The following ACO1 variants were observed in gnomAD, a reference collection of about 807,000 sequenced individuals.
The protein encoded by ACO1 is aconitase 1, also known as cytoplasmic aconitate hydratase.
In ACO1, 78 loss-of-function variants were observed where a neutral mutation model predicts 105.1. That is an observed-to-expected ratio of 0.74 (90% CI 0.62 to 0.90). The LOEUF (loss-of-function observed/expected upper bound fraction) is 0.90, where lower values mean the gene tolerates loss of function less well. ACO1 is among the 40% of genes least tolerant of loss of function. The pLI is 0.00. For missense variants in ACO1, 965 were observed against 1,111.1 expected (o/e 0.87, Z 1.87); for synonymous variants, 364 against 397.4 (o/e 0.92, Z 1.00).
intron 12 of ACO1, among the ~76,000 whole-genome samples, chr9:32,428,757 T>C (rs1000399707): frequency 6.6e-6 from 1 of 151,882 alleles, no homozygotes; most frequent in Non-Finnish European, 1.5e-5. Context: ...GGCAGGAGAA[T>C]GGCATGAACC....
At chr9:32,409,446 C>T (rs1256361971) in intron 4 of ACO1, among the ~76,000 whole-genome samples, 1 of 152,232 alleles carries the variant, frequency 6.6e-6, no homozygotes, top group African/African-American at 2.4e-5. Context: ...TGGTCTATGA[C>T]ACCTTTAGGT....
At chr9:32,395,916 A>C (rs1394862526) in intron 1 of ACO1, among the ~76,000 whole-genome samples, 1 of 152,210 alleles carries the variant, frequency 6.6e-6, no homozygotes, top group Non-Finnish European at 1.5e-5. Context: ...TTTCTCTTTG[A>C]GACTTGCATG....
intron 4 of ACO1, among the ~76,000 whole-genome samples, chr9:32,412,132 C>T (rs1208967892): frequency 6.6e-6 from 1 of 152,004 alleles, no homozygotes; most frequent in African/African-American, 2.4e-5. Context: ...TCTAAATGTC[C>T]AACAAAAAAT....
rs530890933 is a variant in ACO1, at chr9:32,405,048, G to A, written c.-22-437G>A. 5.9e-5 allele frequency among the ~76,000 whole-genome samples: 9 copies of A among 152,360 alleles called. No homozygotes were observed. The South Asian group carries it at 1.9e-3, about 32-fold the overall frequency. On this transcript the variant is annotated intron_variant, in intron 1 of 20. Transcript: ENST00000309951. ...CCAGAGAAGGAAGTTGATTGGGCCAGATTGGGTCAGACACCTTTCCTCTCT... is the reference window on the plus strand; with the variant it reads ...CCAGAGAAGGAAGTTGATTGGGCCAAATTGGGTCAGACACCTTTCCTCTCT...
intron 11 of ACO1, 28 bp from the exon 12 acceptor site, chr9:32,427,273 C>T (rs1427249903): frequency 6.2e-7 from 1 of 1,611,538 alleles, no homozygotes; most frequent in Admixed American, 1.7e-5. Flanking sequence ...CAGCCTCCCA[C>T]ACTGCATCTG....
intron 1 of ACO1, among the ~76,000 whole-genome samples, chr9:32,390,660 A>G (rs1821248938): frequency 6.6e-6 from 1 of 152,270 alleles, no homozygotes; most frequent in African/African-American, 2.4e-5. Flanking sequence ...TCACATTAAA[A>G]GAAAAATTTT....
At chr9:32,449,145 T>C in intron 20 of ACO1, 64 bp downstream of exon 20, 13 of 1,486,704 alleles carry the variant, frequency 8.7e-6, no homozygotes, top group Non-Finnish European at 1.1e-5. Flanking sequence ...TAACCAGTCT[T>C]GTTAGAAGGA....
Position 32,423,364 on chromosome 9 carries a change from C to A in ACO1, c.1016C>A (p.Ala339Asp). Reference sequence around the variant, plus strand: ...AAGTATATTAAAAAATATCTTCAGGCTGTAGGAATGTTTCGAGATTTCAAT... The same window carrying A: ...AAGTATATTAAAAAATATCTTCAGGATGTAGGAATGTTTCGAGATTTCAAT... Reference protein sequence around the residue: ...KLKYIKKYLQAVGMFRDFNDP... With the variant: ...KLKYIKKYLQDVGMFRDFNDP... Residue 339 changes from alanine to aspartate, a missense_variant, in exon 9 of 21, where the codon GCT becomes GAT. Transcript: ENST00000309951. 6.3e-7 allele frequency: 1 copy of A among 1,597,160 alleles called. No individual in the cohort carries two copies. Among genetic ancestry groups the A allele is most frequent in the Non-Finnish European group, 8.5e-7 (1 of 1,174,276 alleles).
chr9:32,402,867 C>T (rs1471575751), intron 1 of ACO1, among the ~76,000 whole-genome samples: 1 of 152,156 alleles, frequency 6.6e-6, no homozygotes, highest in Admixed American at 6.5e-5. Flanking sequence ...TATGGAGGGC[C>T]TGTTTTCCAA....
chr9:32,405,021 T>G (rs1213965847), intron 1 of ACO1, among the ~76,000 whole-genome samples: 1 of 152,222 alleles, frequency 6.6e-6, no homozygotes, highest in Non-Finnish European at 1.5e-5. Flanking sequence ...GTTTCAGAAC[T>G]CCCAGAGAAG....
chr9:32,447,426 T>C (rs1822641235), intron 19 of ACO1, among the ~76,000 whole-genome samples: 1 of 152,364 alleles, frequency 6.6e-6, no homozygotes, highest in South Asian at 2.1e-4. Context: ...AGGTCATTTA[T>C]GTTCTTCTCT....
chr9:32,390,397 T>C (rs1449503654), intron 1 of ACO1, among the ~76,000 whole-genome samples: 1 of 152,244 alleles, frequency 6.6e-6, no homozygotes, highest in African/African-American at 2.4e-5. Flanking sequence ...AAAGCCTTTC[T>C]TGAATCCCAC....
chr9:32,399,774 A>C (rs1282389521), intron 1 of ACO1, among the ~76,000 whole-genome samples: 1 of 151,850 alleles, frequency 6.6e-6, no homozygotes, highest in East Asian at 1.9e-4. Flanking sequence ...TGAGTGAAAA[A>C]AAGCAATTAG....
At chr9:32,426,332 C>T (rs747103130) in intron 11 of ACO1, among the ~76,000 whole-genome samples, 3 of 152,170 alleles carry the variant, frequency 2.0e-5, no homozygotes, top group Admixed American at 1.3e-4. Flanking sequence ...CTTTGTTCTC[C>T]GTGAAACCCC....
At chr9:32,409,065 G>A (rs114384943) in intron 4 of ACO1, among the ~76,000 whole-genome samples, 2,154 of 152,214 alleles carry the variant, frequency 0.014, 48 homozygotes, top group African/African-American at 0.048. Flanking sequence ...GCCTCTTCAC[G>A]TGGGTTTCCA....
Position 32,444,553 on chromosome 9 carries a change from ATTT to A in ACO1, c.2370+3967_2370+3969del, listed in dbSNP as rs1271797178. Among the ~76,000 whole-genome samples the A allele has an allele frequency of 2.6e-3, 401 of 152,130 alleles. 16 individuals are homozygous for A. In the East Asian group the frequency reaches 0.063, roughly 24 times the overall value. ...GAGATGGTATCTCATTGTGGTTTTGATTTGCATTTCTCTAATGACCAGTGAGGA... is the reference window on the plus strand; with the variant it reads ...GAGATGGTATCTCATTGTGGTTTTGAGCATTTCTCTAATGACCAGTGAGGA... On this transcript the variant is annotated intron_variant, in intron 19 of 20. Transcript: ENST00000309951.
intron 18 of ACO1, 65 bp from the exon 19 acceptor site, chr9:32,440,400 T>C (rs192154043): frequency 5.6e-6 from 9 of 1,603,390 alleles, no homozygotes; most frequent in Non-Finnish European, 7.7e-6. Flanking sequence ...TCACCAGGGC[T>C]CAGGGGACCT....
intron 1 of ACO1, among the ~76,000 whole-genome samples, chr9:32,394,681 G>T (rs1384144714): frequency 6.6e-6 from 1 of 152,186 alleles, no homozygotes; most frequent in African/African-American, 2.4e-5. Flanking sequence ...CCTGCATCTG[G>T]CTTCAGATTT....
intron 4 of ACO1, among the ~76,000 whole-genome samples, chr9:32,411,127 A>G (rs1423045980): frequency 6.6e-6 from 1 of 152,172 alleles, no homozygotes; most frequent in African/African-American, 2.4e-5. Context: ...CACATGGTTG[A>G]GCCCAAAGCT....
Sources: allele counts gnomAD v4.1 joint callset (sites outside exome capture counted in the v4.1 genomes callset), GRCh38; gene constraint gnomAD v4.1.1; transcripts MANE v1.5; gene names NCBI Gene and HGNC (gene_info 2026-07-23, HGNC 2026-07-21).